TMEM260: variants seen among roughly 807,000 people sequenced by gnomAD.
The protein encoded by TMEM260 is protein O-mannosyl-transferase TMEM260.
A neutral mutation model predicts 88.9 loss-of-function variants in TMEM260; 82 were observed. The observed-to-expected ratio is 0.92, with a 90% confidence interval of 0.77 to 1.11. TMEM260 has a LOEUF of 1.11. TMEM260 is among the 50% of genes least tolerant of loss of function. The pLI is 0.00. For synonymous variants in TMEM260, 314 were observed against 309.3 expected, an observed-to-expected ratio of 1.02 and a Z score of -0.16; for missense variants, 902 against 853.4, an observed-to-expected ratio of 1.06 and a Z score of -0.71.
chr14:56,633,988 G>T (rs1888830023), intron 13 of TMEM260, among the ~76,000 whole-genome samples: 1 of 152,168 alleles, frequency 6.6e-6, no homozygotes, highest in Admixed American at 6.5e-5. Flanking sequence ...TTGTATAACA[G>T]CCAGAGATGG....
intron 15 of TMEM260, among the ~76,000 whole-genome samples, chr14:56,646,798 C>T (rs973418806): frequency 1.5e-4 from 22 of 150,516 alleles, no homozygotes; most frequent in African/African-American, 5.1e-4. Context: ...AAATGTGGGA[C>T]AAAAATTTAA....
At chr14:56,619,856 T>C (rs1037886629) in intron 10 of TMEM260, among the ~76,000 whole-genome samples, 5 of 152,338 alleles carry the variant, frequency 3.3e-5, no homozygotes, top group Non-Finnish European at 5.9e-5. Context: ...ATTACAGCGC[T>C]ATTCACAATA....
intron 5 of TMEM260, 95 bp downstream of exon 5, chr14:56,605,778 T>G: frequency 1.4e-6 from 1 of 734,084 alleles, no homozygotes; most frequent in Admixed American, 2.8e-5. Context: ...TTAATTTTTC[T>G]TGGGTTTCAT....
intron 3 of TMEM260, among the ~76,000 whole-genome samples, chr14:56,597,837 A>G (rs1886340428): frequency 6.6e-6 from 1 of 152,152 alleles, no homozygotes; most frequent in South Asian, 2.1e-4. Flanking sequence ...AGAGAGGGAA[A>G]AGAAGCTTTG....
chr14:56,642,584 T>C (rs1889678861), intron 15 of TMEM260, among the ~76,000 whole-genome samples: 1 of 151,734 alleles, frequency 6.6e-6, no homozygotes, highest in Non-Finnish European at 1.5e-5. Context: ...CACCCTAACA[T>C]CACAATTAAA....
intron 15 of TMEM260, among the ~76,000 whole-genome samples, chr14:56,644,230 G>A (rs1889802256): frequency 6.6e-6 from 1 of 152,156 alleles, no homozygotes; most frequent in Admixed American, 6.5e-5. Context: ...CAAAGCTGGA[G>A]GCATCACACT....
chr14:56,624,666 T>G (rs1888131803), intron 11 of TMEM260, among the ~76,000 whole-genome samples: 1 of 152,108 alleles, frequency 6.6e-6, no homozygotes, highest in South Asian at 2.1e-4. Flanking sequence ...TTCTAGGAGC[T>G]CACAGTCTGG....
chr14:56,646,457 A>G (rs568379482), intron 15 of TMEM260, among the ~76,000 whole-genome samples: 2 of 152,208 alleles, frequency 1.3e-5, no homozygotes, highest in Non-Finnish European at 2.9e-5. Context: ...GTAAGCAACT[A>G]TAATATTCCA....
intron 12 of TMEM260, among the ~76,000 whole-genome samples, chr14:56,632,672 A>G (rs980100595): frequency 6.6e-6 from 1 of 151,042 alleles, no homozygotes; most frequent in Non-Finnish European, 1.5e-5. Context: ...CTGGTCTCAA[A>G]CCCCTGGCCT....
chr14:56,612,550 C>T (rs184259518), intron 7 of TMEM260: 49 of 459,452 alleles, frequency 1.1e-4, no homozygotes, highest in African/African-American at 8.8e-4. Context: ...AACCTATTTA[C>T]ATCCTCTTGT....
At chr14:56,662,689 G>A in the TMEM260 span, among the ~76,000 whole-genome samples, 107 of 152,308 alleles carry the variant, frequency 7.0e-4, no homozygotes, top group African/African-American at 2.6e-3. Context: ...GAAAATGTAG[G>A]CTGTGTCTCA....
chr14:56,586,728 A>C (rs1246756018), intron 3 of TMEM260, among the ~76,000 whole-genome samples: 1 of 152,130 alleles, frequency 6.6e-6, no homozygotes, highest in African/African-American at 2.4e-5. Context: ...TTGAATAGGT[A>C]CAATTTCAAA....
chr14:56,595,714 C>G (rs1886163101), intron 3 of TMEM260, among the ~76,000 whole-genome samples: 1 of 152,026 alleles, frequency 6.6e-6, no homozygotes, highest in African/African-American at 2.4e-5. Flanking sequence ...TTATGAACCC[C>G]CAAGCACAAG....
At chr14:56,644,810 AC>A (rs1311482693) in intron 15 of TMEM260, among the ~76,000 whole-genome samples, 12 of 152,308 alleles carry the variant, frequency 7.9e-5, no homozygotes, top group African/African-American at 1.7e-4. Flanking sequence ...AAGAAAAAAA[AC>A]AACCCCATCA....
chr14:56,625,429 A>G lies in TMEM260; in HGVS notation c.1446A>G (p.Pro482=). 1 of 1,614,086 alleles carries G rather than the reference A, an allele frequency of 6.2e-7. No homozygotes were observed. Among genetic ancestry groups the G allele is most frequent in the South Asian group, 1.1e-5 (1 of 91,046 alleles). ...TACCCAAGATGGCAAAGCACTTGCC[A>G]GGTGTCAACTTTCCTGGGAACCGGT... ...WYLPKMAKHL[P]GVNFPGNRWN... The change falls in exon 12 of 16, where the codon CCA becomes CCG. Residue 482 remains proline, a synonymous_variant. Coordinates refer to ENST00000261556, the MANE Select transcript of TMEM260 (RefSeq NM_017799.4).
chr14:56,633,163 A>C lies in TMEM260; in HGVS notation c.1716A>C (p.Glu572Asp), dbSNP rs769795366. The C allele has an allele frequency of 6.2e-7, 1 of 1,611,322 alleles. No homozygotes were observed. Among genetic ancestry groups the C allele is most frequent in the Non-Finnish European group, 8.5e-7 (1 of 1,178,742 alleles). ...AAAGTATCTATAACTGGACCGAAGA[A>C]TATGGAAGGTATGAACAGCAGTTGT... ...LTKSIYNWTE[E>D]YGRFDPSSWE... Residue 572 changes from glutamate (E) to aspartate (D), a missense_variant, in exon 13 of 16, where the codon GAA (glutamate) becomes GAC (aspartate). By Grantham distance (45) the Glu-to-Asp change is conservative (BLOSUM62 2). Coordinates refer to ENST00000261556, the MANE Select transcript of TMEM260 (RefSeq NM_017799.4).
Position 56,591,796 on chromosome 14 carries a change from T to C in TMEM260, c.344+5884T>C, listed in dbSNP as rs115508114. On this transcript the variant is annotated intron_variant, in intron 3 of 15. Transcript: ENST00000261556. ...GTGAAGTAAATTGCGGTTGTTCCTA[T>C]AAAGCCTAGTTGAATGTTTTCTTCC... Among the ~76,000 whole-genome samples the C allele has an allele frequency of 9.7e-3, 1,482 of 152,342 alleles. 28 individuals are homozygous for C. The highest frequency in any genetic ancestry group is 0.034 in the African/African-American group (1,423 of 41,578).
chr14:56,612,153 A>G, intron 6 of TMEM260, 92 bp from the exon 7 acceptor site: 1 of 1,290,590 alleles, frequency 7.7e-7, no homozygotes, highest in South Asian at 1.2e-5. Flanking sequence ...GTTTTAAGAA[A>G]ACCCGAATCT....
chr14:56,583,316 T>G (rs1029365591), intron 1 of TMEM260, among the ~76,000 whole-genome samples: 12 of 152,156 alleles, frequency 7.9e-5, no homozygotes, highest in African/African-American at 2.9e-4. Flanking sequence ...CAGGTGCTCT[T>G]GAATATCTCT....
Sources: allele counts gnomAD v4.1 joint callset (sites outside exome capture counted in the v4.1 genomes callset), GRCh38; gene constraint gnomAD v4.1.1; transcripts MANE v1.5; gene names NCBI Gene and HGNC (gene_info 2026-07-23, HGNC 2026-07-21).